NDST4: variants seen among roughly 807,000 people sequenced by gnomAD.
NDST4 encodes N-heparan sulfate sulfotransferase 4.
A neutral mutation model predicts 100.8 loss-of-function variants in NDST4; 63 were observed. That is an observed-to-expected ratio of 0.62 (90% CI 0.51 to 0.77). The LOEUF (loss-of-function observed/expected upper bound fraction) is 0.77, where lower values mean the gene tolerates loss of function less well. NDST4 is among the 30% of genes least tolerant of loss of function. The pLI, the probability that NDST4 is intolerant of heterozygous loss-of-function variation, is 0.00. For missense variants in NDST4, 943 were observed against 1,018.4 expected (o/e 0.93, Z 1.01); for synonymous variants, 377 against 361.8 (o/e 1.04, Z -0.48).
At chr4:114,947,054 AAG>A (rs1422889562) in intron 4 of NDST4, among the ~76,000 whole-genome samples, 1 of 152,000 alleles carries the variant, frequency 6.6e-6, no homozygotes, top group Non-Finnish European at 1.5e-5. Flanking sequence ...CGGTAGTTTG[AAG>A]AGAGAGGAAA....
In NDST4 at chr4:114,871,712, T is replaced by C. The variant is rs140024437; in HGVS notation, c.1537-762A>G. ...AAAATTCTGATTGAAATTGCAGAGATTGTTTACGCAACTCATAAAAAGAGA... is the reference window on the plus strand; with the variant it reads ...AAAATTCTGATTGAAATTGCAGAGACTGTTTACGCAACTCATAAAAAGAGA... On this transcript the variant is annotated intron_variant, in intron 6 of 13. Coordinates refer to ENST00000264363, the MANE Select transcript of NDST4 (RefSeq NM_022569.3). Among the ~76,000 whole-genome samples, 174 of 152,136 alleles carry C rather than the reference T, an allele frequency of 1.1e-3. 2 individuals carry two copies. Among genetic ancestry groups the C allele is most frequent in the African/African-American group, 3.9e-3 (163 of 41,548 alleles).
intron 2 of NDST4, among the ~76,000 whole-genome samples, chr4:115,058,757 C>G (rs1220865266): frequency 6.6e-6 from 1 of 151,988 alleles, no homozygotes; most frequent in Non-Finnish European, 1.5e-5. Context: ...TTTCAATTTC[C>G]TTTCCTTTCA....
At chr4:115,002,787 A>T (rs1291343312) in intron 2 of NDST4, among the ~76,000 whole-genome samples, 1 of 152,164 alleles carries the variant, frequency 6.6e-6, no homozygotes, top group Non-Finnish European at 1.5e-5. Flanking sequence ...ATGTAGGTTT[A>T]TTGCAGAACT....
intron 2 of NDST4, among the ~76,000 whole-genome samples, chr4:115,041,380 A>C (rs1310062038): frequency 1.3e-5 from 2 of 152,098 alleles, no homozygotes; most frequent in Admixed American, 1.3e-4. Context: ...ACATCTTTTT[A>C]AAAGAGAGAA....
intron 6 of NDST4, among the ~76,000 whole-genome samples, chr4:114,911,793 C>A (rs1349658858): frequency 6.6e-6 from 1 of 152,124 alleles, no homozygotes; most frequent in Admixed American, 6.6e-5. Context: ...TGATCTCCTA[C>A]AATAAGTATA....
At chr4:114,830,461 G>C (rs1723171015) in intron 12 of NDST4, among the ~76,000 whole-genome samples, 1 of 152,174 alleles carries the variant, frequency 6.6e-6, no homozygotes, top group Non-Finnish European at 1.5e-5. Context: ...TGGAAGATTA[G>C]ACAACCTCTT....
intron 2 of NDST4, among the ~76,000 whole-genome samples, chr4:114,989,055 CCTT>C (rs3043338): frequency 0.45 from 67,738 of 151,640 alleles, 16,624 homozygotes; most frequent in Non-Finnish European, 0.58. Flanking sequence ...GTTGTCACCT[CCTT>C]GACTCAGCCC....
chr4:114,960,035 C>T (rs1461049454), intron 4 of NDST4, among the ~76,000 whole-genome samples: 1 of 151,996 alleles, frequency 6.6e-6, no homozygotes. Context: ...TCTTGAAAGT[C>T]GCAAAAGAAC....
chr4:114,934,345 A>G (rs1725578646), intron 6 of NDST4, among the ~76,000 whole-genome samples: 1 of 151,962 alleles, frequency 6.6e-6, no homozygotes, highest in African/African-American at 2.4e-5. Flanking sequence ...AGGTCAGGAG[A>G]TCGAGACCAT....
chr4:115,098,709 TTTTTA>T (rs1729670330), intron 1 of NDST4, among the ~76,000 whole-genome samples: 1 of 152,118 alleles, frequency 6.6e-6, no homozygotes, highest in African/African-American at 2.4e-5. Flanking sequence ...TCTTTTTTAT[TTTTTA>T]ATCAGGTTCC....
Position 114,957,802 on chromosome 4 carries a change from A to G in NDST4, c.1221+12628T>C, listed in dbSNP as rs114398852. 5.8e-3 allele frequency among the ~76,000 whole-genome samples: 889 copies of G among 152,304 alleles called. 5 individuals are homozygous for G. The highest frequency in any genetic ancestry group is 0.018 in the African/African-American group (767 of 41,560). On this transcript the variant is annotated intron_variant, in intron 4 of 13. Transcript: ENST00000264363. Reference sequence around the variant, plus strand: ...AAAACAAAGGGACTATGGGCCCATGAAAGTCCAAAATCCAGAAGGGCAATC... The same window carrying G: ...AAAACAAAGGGACTATGGGCCCATGGAAGTCCAAAATCCAGAAGGGCAATC...
chr4:114,967,060 G>C (rs1229078178), intron 4 of NDST4, among the ~76,000 whole-genome samples: 3 of 152,016 alleles, frequency 2.0e-5, no homozygotes, highest in Admixed American at 6.5e-5. Context: ...ATCCTATCTT[G>C]ATACTGTTGA....
chr4:115,092,481 C>T (rs1729539293), intron 1 of NDST4, among the ~76,000 whole-genome samples: 1 of 150,830 alleles, frequency 6.6e-6, no homozygotes, highest in African/African-American at 2.4e-5. Flanking sequence ...GTCAGTTAGT[C>T]TAAATGAACG....
At chr4:114,924,467 A>G (rs1468012556) in intron 6 of NDST4, among the ~76,000 whole-genome samples, 1 of 151,710 alleles carries the variant, frequency 6.6e-6, no homozygotes, top group East Asian at 1.9e-4. Context: ...AAAAAAAAAA[A>G]GGTGACTGTA....
At chr4:115,038,894 C>T (rs1560576359) in intron 2 of NDST4, among the ~76,000 whole-genome samples, 1 of 152,098 alleles carries the variant, frequency 6.6e-6, no homozygotes, top group Non-Finnish European at 1.5e-5. Flanking sequence ...TTAGGAGGCT[C>T]ACTTGAGCCT....
intron 2 of NDST4, among the ~76,000 whole-genome samples, chr4:115,022,042 C>T (rs968123499): frequency 1.4e-4 from 21 of 151,698 alleles, no homozygotes; most frequent in Non-Finnish European, 2.9e-4. Context: ...CTCTATGTTC[C>T]ATATCTCTAT....
At chr4:114,866,317 G>A (rs561695973) in intron 7 of NDST4, among the ~76,000 whole-genome samples, 28 of 152,188 alleles carry the variant, frequency 1.8e-4, no homozygotes, top group African/African-American at 5.8e-4. Flanking sequence ...CTGAGTAAAG[G>A]CTTCTGGTGT....
At chr4:114,976,844 T>C (rs183972744) in intron 3 of NDST4, among the ~76,000 whole-genome samples, 1 of 152,098 alleles carries the variant, frequency 6.6e-6, no homozygotes, top group East Asian at 1.9e-4. Context: ...TTTAAAATTC[T>C]GTCAGTTATT....
At chr4:115,051,359 T>C (rs771705880) in intron 2 of NDST4, among the ~76,000 whole-genome samples, 1 of 152,132 alleles carries the variant, frequency 6.6e-6, no homozygotes, top group African/African-American at 2.4e-5. Context: ...TTTTGAAGTA[T>C]ACATTTAAGT....
Sources: gnomAD v4.1 joint callset for allele counts (sites outside exome capture counted in the v4.1 genomes callset) on GRCh38, gnomAD v4.1.1 for gene constraint, MANE v1.5 for transcripts, NCBI Gene and HGNC (gene_info 2026-07-23, HGNC 2026-07-21) for gene names.